The following CCSER1 variants were observed in gnomAD, a reference collection of about 807,000 sequenced individuals.
The protein encoded by CCSER1 is serine-rich coiled-coil domain-containing protein 1.
A neutral mutation model predicts 82.0 loss-of-function variants in CCSER1; 41 were observed. The observed-to-expected ratio is 0.50, with a 90% confidence interval of 0.39 to 0.65. The LOEUF (loss-of-function observed/expected upper bound fraction) is 0.65, where lower values mean the gene tolerates loss of function less well. Ranked by LOEUF, CCSER1 falls within the 30% of genes least tolerant of loss-of-function variation. The probability of loss-of-function intolerance (pLI) is 0.00; values close to 1 mark genes in which losing one functional copy is unlikely to be tolerated. For missense variants in CCSER1, 1,119 were observed against 1,064.2 expected (o/e 1.05, Z -0.72); for synonymous variants, 414 against 383.9 (o/e 1.08, Z -0.92).
chr4:91,124,393 T>C (rs1335334836), intron 10 of CCSER1, among the ~76,000 whole-genome samples: 1 of 151,790 alleles, frequency 6.6e-6, no homozygotes, highest in Non-Finnish European at 1.5e-5. Flanking sequence ...GAATATATAA[T>C]TTCTCATACC....
intron 1 of CCSER1, among the ~76,000 whole-genome samples, chr4:90,158,454 T>C (rs1010393886): frequency 2.0e-5 from 3 of 152,202 alleles, no homozygotes; most frequent in African/African-American, 7.2e-5. Context: ...TGCTGTCTTT[T>C]TGTTTTTGTG....
At chr4:91,355,832 C>T (rs576083361) in intron 10 of CCSER1, among the ~76,000 whole-genome samples, 1 of 152,060 alleles carries the variant, frequency 6.6e-6, no homozygotes, top group East Asian at 1.9e-4. Context: ...AGAGGTTGGG[C>T]CTACTAGAAT....
At chr4:90,611,241 G>A (rs1385213319) in intron 5 of CCSER1, among the ~76,000 whole-genome samples, 2 of 151,678 alleles carry the variant, frequency 1.3e-5, no homozygotes, top group Non-Finnish European at 2.9e-5. Flanking sequence ...GCTGTCAAAT[G>A]ACAAAATTAC....
chr4:90,253,613 A>T (rs1362177049), intron 1 of CCSER1, among the ~76,000 whole-genome samples: 1 of 151,862 alleles, frequency 6.6e-6, no homozygotes, highest in Admixed American at 6.6e-5. Flanking sequence ...TGCTTTCAAG[A>T]TTTTCCTTAG....
chr4:90,930,910 TTATATATATA>T (rs70963098), intron 9 of CCSER1, among the ~76,000 whole-genome samples: 1 of 109,646 alleles, frequency 9.1e-6, no homozygotes, highest in African/African-American at 3.1e-5. Flanking sequence ...TATCCTTATT[TTATATATATA>T]TATATATATA....
At chr4:91,182,183 C>T (rs2149031864) in intron 10 of CCSER1, among the ~76,000 whole-genome samples, 1 of 152,240 alleles carries the variant, frequency 6.6e-6, no homozygotes, top group African/African-American at 2.4e-5. Flanking sequence ...CCGAAGGGTC[C>T]TTGGGATCCT....
chr4:90,208,422 A>T (rs1215341682), intron 1 of CCSER1, among the ~76,000 whole-genome samples: 1 of 151,712 alleles, frequency 6.6e-6, no homozygotes, highest in African/African-American at 2.4e-5. Context: ...AAGCCATTGG[A>T]TCTTAGCTTG....
At chr4:91,461,519 T>G (rs1756499244) in intron 10 of CCSER1, among the ~76,000 whole-genome samples, 1 of 152,168 alleles carries the variant, frequency 6.6e-6, no homozygotes, top group Non-Finnish European at 1.5e-5. Flanking sequence ...ATGACCCCTG[T>G]GCATTGTCAA....
At chr4:90,662,299 C>T (rs1271235202) in intron 6 of CCSER1, among the ~76,000 whole-genome samples, 2 of 151,894 alleles carry the variant, frequency 1.3e-5, no homozygotes, top group Non-Finnish European at 2.9e-5. Flanking sequence ...GCCTGGCCGT[C>T]CTATACTACT....
intron 10 of CCSER1, among the ~76,000 whole-genome samples, chr4:91,295,221 ATTG>A (rs1410154212): frequency 2.0e-5 from 3 of 151,986 alleles, no homozygotes; most frequent in African/African-American, 7.2e-5. Flanking sequence ...ATTTTTCTGT[ATTG>A]TTTATAATTT....
In CCSER1 at chr4:90,308,697, A is replaced by G; in HGVS notation, c.413A>G (p.Glu138Gly). ...TRSLTEDFEREKEHSTNKNVF... is the reference protein window; with the variant it reads ...TRSLTEDFERGKEHSTNKNVF... ...TCTTTGACAGAGGATTTTGAAAGGGAAAAAGAGCACTCAACTAACAAGAAT... is the reference window on the plus strand; with the variant it reads ...TCTTTGACAGAGGATTTTGAAAGGGGAAAAGAGCACTCAACTAACAAGAAT... The change falls in exon 2 of 11, where the codon GAA becomes GGA. Residue 138 changes from glutamate to glycine, a missense_variant. By Grantham distance (98) the Glu-to-Gly change is moderately conservative. Coordinates refer to ENST00000509176, the MANE Select transcript of CCSER1 (RefSeq NM_001145065.2). The G allele has an allele frequency of 6.2e-7, 1 of 1,613,534 alleles. No homozygotes were observed. The highest frequency in any genetic ancestry group is 8.5e-7 in the Non-Finnish European group (1 of 1,179,722).
At chr4:91,002,839 C>T (rs1305318953) in intron 9 of CCSER1, among the ~76,000 whole-genome samples, 1 of 152,020 alleles carries the variant, frequency 6.6e-6, no homozygotes, top group Non-Finnish European at 1.5e-5. Context: ...TGTCATAGTA[C>T]CAGAATTGTT....
chr4:90,491,723 T>G (rs1164802264), intron 5 of CCSER1, among the ~76,000 whole-genome samples: 1 of 152,164 alleles, frequency 6.6e-6, no homozygotes, highest in African/African-American at 2.4e-5. Flanking sequence ...GTTTTTAGCA[T>G]GAAGTGTTGT....
At chr4:91,298,511 T>C (rs1744399872) in intron 10 of CCSER1, among the ~76,000 whole-genome samples, 1 of 151,998 alleles carries the variant, frequency 6.6e-6, no homozygotes, top group South Asian at 2.1e-4. Context: ...ACACATGCTG[T>C]ACTCTGATGG....
intron 10 of CCSER1, among the ~76,000 whole-genome samples, chr4:91,163,580 G>T (rs375670823): frequency 2.0e-5 from 3 of 152,104 alleles, no homozygotes; most frequent in South Asian, 2.1e-4. Context: ...CTCTTTGTAG[G>T]TCTCTAAGGA....
intron 2 of CCSER1, among the ~76,000 whole-genome samples, chr4:90,310,365 A>G (rs1465026274): frequency 6.6e-6 from 1 of 152,124 alleles, no homozygotes; most frequent in Non-Finnish European, 1.5e-5. Context: ...CTGCTGGGCT[A>G]TCTTTGACAT....
At chr4:91,300,253 G>C (rs1438590615) in intron 10 of CCSER1, among the ~76,000 whole-genome samples, 8 of 151,850 alleles carry the variant, frequency 5.3e-5, no homozygotes, top group Non-Finnish European at 7.4e-5. Context: ...TCTGCTGTGG[G>C]AACAGCTTTT....
At position 90,340,118 on chromosome 4, in the gene CCSER1, A is replaced by G. The variant is rs537725563; in HGVS notation, c.1509+27071A>G. Among the ~76,000 whole-genome samples the G allele has an allele frequency of 7.9e-5, 12 of 152,236 alleles. No homozygotes were observed. In the South Asian group the frequency reaches 1.7e-3, roughly 21 times the overall value. ...TTATATTTTCCCCCCAACACTTCCA[A>G]TGGTTTTCTGCCGTTGGAATAGGAC... is the stretch of plus-strand genomic sequence containing the variant. On this transcript the variant is annotated intron_variant, in intron 3 of 10. Transcript: ENST00000509176.
intron 10 of CCSER1, among the ~76,000 whole-genome samples, chr4:91,101,508 G>T (rs1561549490): frequency 6.6e-6 from 1 of 152,114 alleles, no homozygotes; most frequent in Non-Finnish European, 1.5e-5. Flanking sequence ...GGTGGCATGT[G>T]CCTGTAATCA....
Sources: allele counts gnomAD v4.1 joint callset (sites outside exome capture counted in the v4.1 genomes callset), GRCh38; gene constraint gnomAD v4.1.1; transcripts MANE v1.5; gene names NCBI Gene and HGNC (gene_info 2026-07-23, HGNC 2026-07-21).